The following STXBP6 variants were observed in gnomAD, a reference collection of about 807,000 sequenced individuals.
STXBP6 encodes syntaxin binding protein 6, also known as syntaxin-binding protein 6.
Under a neutral mutation model 26.9 loss-of-function variants are expected in STXBP6, and 21 were observed. The ratio of observed to expected loss-of-function variants is 0.78; its 90% CI spans 0.55 to 1.12. The LOEUF is 1.12. STXBP6 is among the 50% of genes most tolerant of loss of function. STXBP6 has a pLI of 0.00. For synonymous variants in STXBP6, 97 were observed against 92.6 expected, an observed-to-expected ratio of 1.05 and a Z score of -0.27; for missense variants, 232 against 257.9, an observed-to-expected ratio of 0.90 and a Z score of 0.69.
intron 2 of STXBP6, among the ~76,000 whole-genome samples, chr14:24,873,597 T>C (rs2070021684): frequency 6.6e-6 from 1 of 152,162 alleles, no homozygotes; most frequent in Non-Finnish European, 1.5e-5. Context: ...GTGACTTCCA[T>C]CTCTGGACTC....
At chr14:24,830,579 G>T (rs1295047951) in intron 4 of STXBP6, among the ~76,000 whole-genome samples, 2 of 152,204 alleles carry the variant, frequency 1.3e-5, no homozygotes, top group African/African-American at 4.8e-5. Flanking sequence ...AGGGTGAACA[G>T]ATATGAGAAT....
intron 1 of STXBP6, among the ~76,000 whole-genome samples, chr14:25,025,196 T>C (rs188963321): frequency 1.3e-5 from 2 of 152,242 alleles, no homozygotes; most frequent in East Asian, 3.9e-4. Flanking sequence ...AATCTAATTA[T>C]TTTACATTTT....
intron 2 of STXBP6, among the ~76,000 whole-genome samples, chr14:24,868,005 T>A (rs1460872406): frequency 6.6e-6 from 1 of 152,160 alleles, no homozygotes; most frequent in Non-Finnish European, 1.5e-5. Flanking sequence ...GAGACCAGCC[T>A]GGGCAACATG....
Position 24,979,474 on chromosome 14 carries a change from T to C in STXBP6, c.-32-4624A>G, listed in dbSNP as rs527703794. ...TTCCTACTTCAACGGAACTTCAGTT[T>C]GGTGAACCCAAATAAGTTAGAAATA... On this transcript the variant is annotated intron_variant, in intron 1 of 5. Transcript: ENST00000323944. Among the ~76,000 whole-genome samples the C allele has an allele frequency of 1.8e-4, 28 of 152,356 alleles. No homozygotes were observed. In the South Asian group the frequency reaches 3.9e-3, roughly 21 times the overall value.
intron 2 of STXBP6, among the ~76,000 whole-genome samples, chr14:24,946,853 T>C (rs1017971490): frequency 4.0e-5 from 6 of 151,886 alleles, no homozygotes; most frequent in Non-Finnish European, 8.8e-5. Context: ...CTTGAGAAAT[T>C]AAGAGGGTAT....
At chr14:24,963,861 T>C (rs561375795) in intron 2 of STXBP6, among the ~76,000 whole-genome samples, 1 of 151,744 alleles carries the variant, frequency 6.6e-6, no homozygotes, top group Non-Finnish European at 1.5e-5. Context: ...TTATTGGTAA[T>C]TGGTCCAATA....
intron 2 of STXBP6, among the ~76,000 whole-genome samples, chr14:24,934,717 A>G (rs1234471159): frequency 6.6e-6 from 1 of 152,184 alleles, no homozygotes; most frequent in Non-Finnish European, 1.5e-5. Context: ...CTGACAAAGT[A>G]AAAATAATAC....
At chr14:24,887,436 T>A (rs1194228018) in intron 2 of STXBP6, among the ~76,000 whole-genome samples, 1 of 152,186 alleles carries the variant, frequency 6.6e-6, no homozygotes. Flanking sequence ...GGAAATTCAC[T>A]CTCCTCAGCC....
intron 2 of STXBP6, among the ~76,000 whole-genome samples, chr14:24,884,929 A>G (rs974403964): frequency 2.0e-5 from 3 of 152,206 alleles, no homozygotes; most frequent in Non-Finnish European, 2.9e-5. Flanking sequence ...CTGAAGATGA[A>G]AGGCATAAGG....
intron 1 of STXBP6, among the ~76,000 whole-genome samples, chr14:25,033,243 A>G (rs2075492638): frequency 6.6e-6 from 1 of 151,950 alleles, no homozygotes. Context: ...TGTACTTTCA[A>G]CCCATTACCA....
At chr14:24,823,492 A>T (rs2068198999) in intron 4 of STXBP6, among the ~76,000 whole-genome samples, 1 of 152,160 alleles carries the variant, frequency 6.6e-6, no homozygotes, top group African/African-American at 2.4e-5. Context: ...GTAAAAGGCA[A>T]TTTCAACAGA....
chr14:25,032,909 T>C (rs1293731401), intron 1 of STXBP6, among the ~76,000 whole-genome samples: 1 of 152,310 alleles, frequency 6.6e-6, no homozygotes, highest in South Asian at 2.1e-4. Flanking sequence ...CATCTCTATA[T>C]GATGAAATGC....
At chr14:24,926,530 G>A (rs2072176879) in intron 2 of STXBP6, among the ~76,000 whole-genome samples, 1 of 152,096 alleles carries the variant, frequency 6.6e-6, no homozygotes, top group African/African-American at 2.4e-5. Context: ...AAAATATATA[G>A]GCTGACGAAC....
intron 4 of STXBP6, among the ~76,000 whole-genome samples, chr14:24,854,886 C>A (rs1796370865): frequency 6.6e-6 from 1 of 151,996 alleles, no homozygotes; most frequent in Admixed American, 6.6e-5. Context: ...CATTCATCAC[C>A]TCTTGTATTT....
chr14:25,017,541 A>C (rs762299090), intron 1 of STXBP6, among the ~76,000 whole-genome samples: 22 of 152,224 alleles, frequency 1.4e-4, no homozygotes, highest in Non-Finnish European at 3.2e-4. Flanking sequence ...TACCAAGATA[A>C]AAGCTTGACA....
intron 1 of STXBP6, among the ~76,000 whole-genome samples, chr14:25,041,914 T>C (rs1371434261): frequency 6.6e-6 from 1 of 152,184 alleles, no homozygotes; most frequent in Non-Finnish European, 1.5e-5. Flanking sequence ...TGACAATCCA[T>C]GCAAGAGTCA....
At chr14:24,951,583 A>G (rs751847099) in intron 2 of STXBP6, among the ~76,000 whole-genome samples, 1 of 152,146 alleles carries the variant, frequency 6.6e-6, no homozygotes, top group Non-Finnish European at 1.5e-5. Flanking sequence ...CACAACTTCT[A>G]AAGTGCATGT....
chr14:24,877,814 G>C (rs1170075814), intron 2 of STXBP6, among the ~76,000 whole-genome samples: 1 of 152,144 alleles, frequency 6.6e-6, no homozygotes. Context: ...AAATGTACTT[G>C]TAATTTTAAT....
chr14:24,893,332 GA>G (rs1373730534), intron 2 of STXBP6, among the ~76,000 whole-genome samples: 1 of 152,130 alleles, frequency 6.6e-6, no homozygotes, highest in Non-Finnish European at 1.5e-5. Context: ...CAAACCTAAA[GA>G]ACTTACCACT....
Sources: allele counts gnomAD v4.1 joint callset (sites outside exome capture counted in the v4.1 genomes callset), GRCh38; gene constraint gnomAD v4.1.1; transcripts MANE v1.5; gene names NCBI Gene and HGNC (gene_info 2026-07-23, HGNC 2026-07-21).